Variants in GABRB3 observed in about 807,000 individuals in gnomAD.
GABRB3 encodes the protein gamma-aminobutyric acid type A receptor subunit beta3, also known as gamma-aminobutyric acid receptor subunit beta-3.
GABRB3 carries 14 observed loss-of-function variants against 52.1 expected under a neutral mutation model. The ratio of observed to expected loss-of-function variants is 0.27; its 90% CI spans 0.18 to 0.42. GABRB3 has a LOEUF of 0.42. Ranked by LOEUF, GABRB3 falls within the 10% of genes least tolerant of loss-of-function variation. The pLI, the probability that GABRB3 is intolerant of heterozygous loss-of-function variation, is 1.00. For missense variants in GABRB3, 307 were observed against 609.1 expected (o/e 0.50, Z 5.22); for synonymous variants, 260 against 232.3 (o/e 1.12, Z -1.08).
chr15:26,604,137 A>T (rs1891691222), intron 4 of GABRB3, among the ~76,000 whole-genome samples: 1 of 152,106 alleles, frequency 6.6e-6, no homozygotes, highest in African/African-American at 2.4e-5. Context: ...GAACAATCTA[A>T]AAAAGAAATT....
At chr15:26,773,292 C>T (rs918453819), upstream of GABRB3, among the ~76,000 whole-genome samples, 1 of 150,416 alleles carries the variant, frequency 6.6e-6, no homozygotes, top group Non-Finnish European at 1.5e-5. Context: ...GCGGCCGCCG[C>T]ACGGGACTCG....
At chr15:26,741,427 A>T (rs1394224129) in intron 3 of GABRB3, among the ~76,000 whole-genome samples, 1 of 152,176 alleles carries the variant, frequency 6.6e-6, no homozygotes, top group Non-Finnish European at 1.5e-5. Context: ...TCTTATACAC[A>T]TATACATGTA....
chr15:26,685,823 G>A (rs1291724182), intron 3 of GABRB3, among the ~76,000 whole-genome samples: 2 of 130,016 alleles, frequency 1.5e-5, no homozygotes, highest in Non-Finnish European at 3.3e-5. Context: ...TTTTGCCCTA[G>A]AGACGGGGTC....
At position 26,621,264 on chromosome 15, in the gene GABRB3, C is replaced by A. The variant is rs1463102920; in HGVS notation, c.461+50G>T. On this transcript the variant is annotated intron_variant, in intron 4 of 8. Coordinates refer to ENST00000311550, the MANE Select transcript of GABRB3 (RefSeq NM_000814.6). The surrounding 1 kb of genome is among the most constrained non-coding windows in gnomAD (Gnocchi z 4.1). ...TAATCATCTCAAGTGAGATATTCAA[C>A]ACCCATGCACCATGCAACAGCAAAA... 8.9e-6 allele frequency: 12 copies of A among 1,349,496 alleles called. No homozygotes were observed. The highest frequency in any genetic ancestry group is 1.3e-5 in the Non-Finnish European group (12 of 940,486). The allele number at this position is 1,349,496 out of a possible 1,614,324, so 83.6% of individuals were successfully genotyped here.
At chr15:26,689,218 C>A (rs1052799231) in intron 3 of GABRB3, among the ~76,000 whole-genome samples, 11 of 152,192 alleles carry the variant, frequency 7.2e-5, no homozygotes, top group Non-Finnish European at 4.4e-5. Context: ...CAGACTTGCC[C>A]TGGTGACTCA....
chr15:26,631,619 TA>T (rs1039563759), intron 3 of GABRB3, among the ~76,000 whole-genome samples: 3 of 152,204 alleles, frequency 2.0e-5, no homozygotes, highest in African/African-American at 7.2e-5. Flanking sequence ...GAAGCTTACA[TA>T]AGCCCTAGGT....
intron 3 of GABRB3, among the ~76,000 whole-genome samples, chr15:26,659,525 AAAAT>A (rs1000813599): frequency 3.3e-5 from 5 of 152,192 alleles, no homozygotes; most frequent in African/African-American, 7.2e-5. Context: ...CTGGCTCAAA[AAAAT>A]AAATAAATAA....
chr15:26,760,492 C>T (rs911867998), intron 3 of GABRB3, among the ~76,000 whole-genome samples: 20 of 151,986 alleles, frequency 1.3e-4, no homozygotes, highest in African/African-American at 4.6e-4. Flanking sequence ...GGCAAAATAC[C>T]CTGAAGTATG....
rs3046011 is a variant in GABRB3, at chr15:26,712,178, CTTTTT to C, written c.240+60219_240+60223del. ...TGCTCACATCAGTGGACTTTTCTTT[CTTTTT>C]TTTTTTTTGTTATACAGACAGCATC... On this transcript the variant is annotated intron_variant, in intron 3 of 8. Transcript: ENST00000311550. Among the ~76,000 whole-genome samples, 548 of 146,560 alleles carry C rather than the reference CTTTTT, an allele frequency of 3.7e-3. 5 individuals carry two copies. Among genetic ancestry groups the C allele is most frequent in the African/African-American group, 0.013 (530 of 40,022 alleles).
chr15:26,619,984 C>T (rs1892417780), intron 4 of GABRB3, among the ~76,000 whole-genome samples: 3 of 152,050 alleles, frequency 2.0e-5, no homozygotes, highest in South Asian at 4.1e-4. Flanking sequence ...CACAAACTCA[C>T]ATATCAGCTT....
intron 3 of GABRB3, among the ~76,000 whole-genome samples, chr15:26,633,355 A>C (rs900098359): frequency 6.6e-6 from 1 of 152,174 alleles, no homozygotes; most frequent in African/African-American, 2.4e-5. Flanking sequence ...CCACCCTTCC[A>C]GTGCTCCAGG....
At chr15:26,593,682 T>C (rs1310054400) in intron 4 of GABRB3, among the ~76,000 whole-genome samples, 2 of 152,164 alleles carry the variant, frequency 1.3e-5, no homozygotes, top group African/African-American at 4.8e-5. Flanking sequence ...AATTCCATTA[T>C]ATGGATATAC....
intron 3 of GABRB3, chr15:26,666,324 A>G (rs1887708636): frequency 6.6e-6 from 1 of 152,210 alleles, no homozygotes. Flanking sequence ...AAGCAAGAAC[A>G]GAATATTTTT....
Position 26,554,173 on chromosome 15 carries a change from AAAG to A in GABRB3, c.1081-6042_1081-6040del, listed in dbSNP as rs1208170433. Among the ~76,000 whole-genome samples, 129 of 31,344 alleles carry A rather than the reference AAAG, an allele frequency of 4.1e-3. 5 individuals carry two copies. Among genetic ancestry groups the A allele is most frequent in the Middle Eastern group, 0.036 (1 of 28 alleles). The allele number at this position is 31,344 out of a possible 152,430, so 20.6% of individuals were successfully genotyped here. Reference sequence around the variant, plus strand: ...ATATATATATAAAGTATATATATATAAAGTATATATATATATACTATATATATA... The same window carrying A: ...ATATATATATAAAGTATATATATATATATATATATATATACTATATATATA... On this transcript the variant is annotated intron_variant, in intron 8 of 8. Transcript: ENST00000311550.
At chr15:26,727,041 C>G (rs1016926907) in intron 3 of GABRB3, among the ~76,000 whole-genome samples, 1 of 152,124 alleles carries the variant, frequency 6.6e-6, no homozygotes, top group Non-Finnish European at 1.5e-5. Flanking sequence ...CACCTGTAAT[C>G]CCAGCTACTA....
intron 6 of GABRB3, among the ~76,000 whole-genome samples, chr15:26,572,633 G>A (rs1890449922): frequency 6.6e-6 from 1 of 152,236 alleles, no homozygotes. Flanking sequence ...TATCTATGTG[G>A]AAAACTCCCA....
chr15:26,719,002 A>C (rs1471510042), intron 3 of GABRB3, among the ~76,000 whole-genome samples: 2 of 152,214 alleles, frequency 1.3e-5, no homozygotes, highest in Admixed American at 1.3e-4. Flanking sequence ...GCCCTTCACC[A>C]GGCCCCTCTG....
intron 4 of GABRB3, among the ~76,000 whole-genome samples, chr15:26,584,079 A>T (rs1482235068): frequency 2.0e-5 from 3 of 152,180 alleles, no homozygotes; most frequent in Admixed American, 2.0e-4. Context: ...CCTGGCCTGT[A>T]TCACCCATTT....
At chr15:26,568,177 C>T (rs1890250985) in intron 6 of GABRB3, among the ~76,000 whole-genome samples, 1 of 152,282 alleles carries the variant, frequency 6.6e-6, no homozygotes, top group African/African-American at 2.4e-5. Flanking sequence ...ATGTTAGAGG[C>T]ATTGCCCCTA....
Sources: allele counts gnomAD v4.1 joint callset (sites outside exome capture counted in the v4.1 genomes callset), GRCh38; gene constraint gnomAD v4.1.1; non-coding constraint Gnocchi (gnomAD v3.1); transcripts MANE v1.5; gene names NCBI Gene and HGNC (gene_info 2026-07-23, HGNC 2026-07-21).